The following VPS13D variants were observed in gnomAD, a reference collection of about 807,000 sequenced individuals.
VPS13D encodes the protein vacuolar protein sorting 13 homolog D, also known as intermembrane lipid transfer protein VPS13D.
VPS13D carries 187 observed loss-of-function variants against 461.9 expected under a neutral mutation model. The ratio of observed to expected loss-of-function variants is 0.40; its 90% confidence interval spans 0.36 to 0.46. The LOEUF is 0.46. VPS13D is among the 20% of genes least tolerant of loss of function. The pLI, the probability that VPS13D is intolerant of heterozygous loss-of-function variation, is 0.60. For synonymous variants in VPS13D, 1,951 were observed against 1,986.3 expected, an observed-to-expected ratio of 0.98 and a Z score of 0.47; for missense variants, 4,711 against 5,364.9, an observed-to-expected ratio of 0.88 and a Z score of 3.81.
rs145892497 is a variant in VPS13D, at chr1:12,508,140, T to C, written c.13036-753T>C. 3.3e-5 allele frequency among the ~76,000 whole-genome samples: 5 copies of C among 152,322 alleles called. No individual in the cohort carries two copies. In the East Asian group the frequency reaches 9.6e-4, roughly 29 times the overall value. On this transcript the variant is annotated intron_variant, in intron 69 of 69. Transcript: ENST00000620676. ...GGGCGAGCACCTCAAAGTGTGAGTA[T>C]TTCTCCAGATCCCTTCACTGTAGCA...
chr1:12,298,753 T>A (rs1207662585), intron 24 of VPS13D, among the ~76,000 whole-genome samples: 1 of 152,244 alleles, frequency 6.6e-6, no homozygotes, highest in Non-Finnish European at 1.5e-5. Flanking sequence ...TTATGCTTTT[T>A]ATTTTCTTCC....
In VPS13D at chr1:12,495,310, G is replaced by A. The variant is rs1021841448; in HGVS notation, c.12663-2190G>A. On this transcript the variant is annotated intron_variant, in intron 67 of 69. Coordinates refer to ENST00000620676, the MANE Select transcript of VPS13D (RefSeq NM_015378.4). This position sits in a 1 kb window ranked among gnomAD's most constrained non-coding sequence, Gnocchi z 4.0. The stretch of plus-strand genomic sequence containing the variant: ...GACTACAGGCGCCCGCCACTCCCCC[G>A]CCCACCCCAGCTAATTTTTTGTATT... 7.3e-5 allele frequency among the ~76,000 whole-genome samples: 11 copies of A among 151,182 alleles called. No homozygotes were observed. The highest frequency in any genetic ancestry group is 1.9e-4 in the African/African-American group (8 of 41,248).
chr1:12,237,981 C>G (rs1423723066), intron 2 of VPS13D, among the ~76,000 whole-genome samples: 1 of 152,002 alleles, frequency 6.6e-6, no homozygotes, highest in Non-Finnish European at 1.5e-5. Flanking sequence ...CATGATGAAA[C>G]CCCGTCTGTA....
At chr1:12,244,494 C>T in intron 4 of VPS13D, 43 bp from the exon 5 acceptor site, 1 of 1,613,652 alleles carries the variant, frequency 6.2e-7, no homozygotes, top group Non-Finnish European at 8.5e-7. Context: ...GTAAGATGAG[C>T]AAGAACACTA....
intron 65 of VPS13D, among the ~76,000 whole-genome samples, chr1:12,453,086 T>G (rs925288685): frequency 6.6e-6 from 1 of 152,120 alleles, no homozygotes; most frequent in African/African-American, 2.4e-5. Flanking sequence ...GTCAATACAT[T>G]GTCTTTGTAT....
chr1:12,501,010 C>T (rs983908104), intron 68 of VPS13D, among the ~76,000 whole-genome samples: 5 of 151,852 alleles, frequency 3.3e-5, no homozygotes, highest in South Asian at 2.1e-4. Context: ...GCTGAGATCA[C>T]GCCACTGCAC....
In VPS13D at chr1:12,411,193, C is replaced by T. The variant is rs529338119; in HGVS notation, c.12031-3894C>T. On this transcript the variant is annotated intron_variant, in intron 63 of 69. Transcript: ENST00000620676. The stretch of plus-strand genomic sequence containing the variant: ...AAAAGTTCGTTATTTGTAGAAAACA[C>T]GATCGTTTACTAGAAAATCTAAAAG... Among the ~76,000 whole-genome samples the T allele has an allele frequency of 3.1e-3, 475 of 152,162 alleles. 3 individuals are homozygous for T. The highest frequency in any genetic ancestry group is 4.6e-3 in the Non-Finnish European group (316 of 67,998).
chr1:12,368,673 A>C, intron 53 of VPS13D, 82 bp downstream of exon 53: 1 of 1,439,250 alleles, frequency 6.9e-7, no homozygotes, highest in Non-Finnish European at 9.2e-7. Flanking sequence ...ACAATGGTAC[A>C]ATACATTTTC....
Position 12,279,353 on chromosome 1 carries a change from A to T in VPS13D, c.4451-146A>T. ...AGGATAGCTGTCAAGGTTTGCTCTC[A>T]ATCATAGACCCCGGGTGCCAGGCTA... On this transcript the variant is annotated intron_variant, in intron 19 of 69. Coordinates refer to ENST00000620676, the MANE Select transcript of VPS13D (RefSeq NM_015378.4). This position sits in a 1 kb window ranked among gnomAD's most constrained non-coding sequence, Gnocchi z 4.3. The T allele has an allele frequency of 1.2e-6, 1 of 831,404 alleles. No individual in the cohort carries two copies. Among genetic ancestry groups the T allele is most frequent in the Non-Finnish European group, 1.7e-6 (1 of 586,880 alleles). 51.5% of individuals were successfully genotyped at this position (831,404 alleles called of 1,614,324 possible).
At position 12,253,608 on chromosome 1, in the gene VPS13D, A is replaced by G; in HGVS notation, c.565-114A>G. On this transcript the variant is annotated intron_variant, in intron 6 of 69. Transcript: ENST00000620676. The stretch of plus-strand genomic sequence containing the variant: ...CATGTTTTAATTGAGTTATATGTCC[A>G]CAGCACCTTGCAAAGTACCTGACAC... The G allele has an allele frequency of 7.5e-6, 6 of 805,318 alleles. No homozygotes were observed. In the South Asian group the frequency reaches 7.9e-5, roughly 11 times the overall value. 49.9% of individuals were successfully genotyped at this position (805,318 alleles called of 1,614,324 possible).
chr1:12,353,361 A>G (rs969530618), intron 46 of VPS13D, among the ~76,000 whole-genome samples: 1 of 151,704 alleles, frequency 6.6e-6, no homozygotes, highest in Non-Finnish European at 1.5e-5. Context: ...GTGAAACCCC[A>G]TCTCTACTAA....
chr1:12,279,854 A>G lies in VPS13D; in HGVS notation c.4602+204A>G, dbSNP rs1254208570. Among the ~76,000 whole-genome samples, 1 of 151,674 alleles carries G rather than the reference A, an allele frequency of 6.6e-6. No individual in the cohort carries two copies. The highest frequency in any genetic ancestry group is 1.5e-5 in the Non-Finnish European group (1 of 67,896). Reference sequence around the variant, plus strand: ...AATCCGTCTTGTCAGCCTTTTTCATATGGAGGAGGGGTGGGTTATCTAGAG... The same window carrying G: ...AATCCGTCTTGTCAGCCTTTTTCATGTGGAGGAGGGGTGGGTTATCTAGAG... On this transcript the variant is annotated intron_variant, in intron 20 of 69. Transcript: ENST00000620676. This position sits in a 1 kb window ranked among gnomAD's most constrained non-coding sequence, Gnocchi z 4.3.
chr1:12,375,390 A>G (rs1054627837), intron 55 of VPS13D, among the ~76,000 whole-genome samples: 4 of 152,206 alleles, frequency 2.6e-5, no homozygotes, highest in African/African-American at 9.7e-5. Context: ...ACATATTTAT[A>G]TACTGTACAT....
intron 6 of VPS13D, among the ~76,000 whole-genome samples, chr1:12,251,782 C>T (rs868083928): frequency 1.9e-4 from 29 of 152,208 alleles, no homozygotes; most frequent in African/African-American, 6.5e-4. Flanking sequence ...TCACCTAAGG[C>T]CTGAAGTCCA....
intron 44 of VPS13D, among the ~76,000 whole-genome samples, chr1:12,347,406 G>A (rs1430952903): frequency 1.1e-4 from 16 of 152,146 alleles, no homozygotes; most frequent in African/African-American, 3.4e-4. Flanking sequence ...TCCTGACCTC[G>A]TGATCTGCCT....
chr1:12,281,807 A>G (rs1199136017), intron 20 of VPS13D, among the ~76,000 whole-genome samples: 1 of 152,116 alleles, frequency 6.6e-6, no homozygotes, highest in Non-Finnish European at 1.5e-5. Flanking sequence ...ACTTTTTCTA[A>G]TTCCATCATT....
intron 50 of VPS13D, among the ~76,000 whole-genome samples, chr1:12,359,389 G>A (rs941661325): frequency 6.6e-6 from 1 of 152,096 alleles, no homozygotes; most frequent in African/African-American, 2.4e-5. Context: ...TGATGGAGAT[G>A]TTCTATTTTG....
intron 19 of VPS13D, 128 bp downstream of exon 19, chr1:12,278,166 A>T: frequency 9.7e-7 from 1 of 1,029,782 alleles, no homozygotes; most frequent in Admixed American, 3.1e-5. Flanking sequence ...ATATTTAAGA[A>T]ATCAAAGAGT....
In VPS13D at chr1:12,400,960, GCGCACACA is replaced by G. The variant is rs1455779061; in HGVS notation, c.11784+632_11784+639del. Among the ~76,000 whole-genome samples, 1,095 of 131,020 alleles carry G rather than the reference GCGCACACA, an allele frequency of 8.4e-3. 7 individuals are homozygous for G. Among genetic ancestry groups the G allele is most frequent in the East Asian group, 8.3e-3 (36 of 4,350 alleles). The allele number at this position is 131,020 out of a possible 152,430, so 86.0% of individuals were successfully genotyped here. On this transcript the variant is annotated intron_variant, in intron 61 of 69. Transcript: ENST00000620676. ...TAGAGTGAGATGTGCACCTGCGCGC[GCGCACACA>G]CACACACACACACACACACACACAC...
Sources: gnomAD v4.1 joint callset for allele counts (sites outside exome capture counted in the v4.1 genomes callset) on GRCh38, gnomAD v4.1.1 for gene constraint, Gnocchi (gnomAD v3.1) non-coding constraint, MANE v1.5 for transcripts, NCBI Gene and HGNC (gene_info 2026-07-23, HGNC 2026-07-21) for gene names.